SORCS3: variants seen among roughly 807,000 people sequenced by gnomAD.
The protein encoded by SORCS3 is VPS10 domain-containing receptor SorCS3.
SORCS3 carries 57 observed loss-of-function variants against 146.3 expected under a neutral mutation model. The observed-to-expected ratio is 0.39, with a 90% CI of 0.31 to 0.49. SORCS3 has a LOEUF of 0.49. Among genes scored for constraint, SORCS3 ranks in the 20% least tolerant of loss-of-function variants. SORCS3 has a pLI of 0.92. For synonymous variants in SORCS3, 653 were observed against 618.5 expected (o/e 1.06, Z -0.83); for missense variants, 1,341 against 1,575.5 (o/e 0.85, Z 2.52).
At chr10:105,041,104 A>T (rs1389850524) in intron 4 of SORCS3, among the ~76,000 whole-genome samples, 2 of 147,718 alleles carry the variant, frequency 1.4e-5, no homozygotes, top group East Asian at 2.0e-4. Context: ...TATATATATA[A>T]AATGGGTTCA....
intron 2 of SORCS3, among the ~76,000 whole-genome samples, chr10:104,904,174 G>C (rs2018879948): frequency 6.6e-6 from 1 of 152,126 alleles, no homozygotes; most frequent in African/African-American, 2.4e-5. Context: ...AAGACATTCT[G>C]GTATGGAGAT....
chr10:104,753,192 T>A (rs2017008904), intron 1 of SORCS3, among the ~76,000 whole-genome samples: 2 of 152,224 alleles, frequency 1.3e-5, no homozygotes, highest in African/African-American at 4.8e-5. Flanking sequence ...CAAATGAGAT[T>A]TACTTGGGTC....
chr10:105,156,563 T>A (rs2056211039), intron 9 of SORCS3, among the ~76,000 whole-genome samples: 1 of 152,204 alleles, frequency 6.6e-6, no homozygotes, highest in South Asian at 2.1e-4. Context: ...TAGGGCTTAT[T>A]CCACCAATTT....
rs539677045 is a variant in SORCS3, at chr10:105,011,191, G to T, written c.955-31864G>T. ...ATATTTTATCCCTTACAACTTTATT[G>T]AAAAATAATTTATGTCTAATAAACT... is the stretch of plus-strand genomic sequence containing the variant. On this transcript the variant is annotated intron_variant, in intron 4 of 26. Transcript: ENST00000369701. 4.6e-5 allele frequency among the ~76,000 whole-genome samples: 7 copies of T among 152,158 alleles called. No homozygotes were observed. The East Asian group carries it at 1.4e-3, about 29-fold the overall frequency.
chr10:105,183,676 G>T (rs2056457081), intron 14 of SORCS3, among the ~76,000 whole-genome samples: 1 of 152,196 alleles, frequency 6.6e-6, no homozygotes, highest in African/African-American at 2.4e-5. Context: ...CAGGCTGGCT[G>T]CTTGATTCAT....
At chr10:104,897,288 G>A (rs568820109) in intron 2 of SORCS3, among the ~76,000 whole-genome samples, 3 of 152,246 alleles carry the variant, frequency 2.0e-5, no homozygotes, top group South Asian at 4.2e-4. Flanking sequence ...TAATTCACAC[G>A]AAGTCATTGA....
chr10:105,178,573 A>ATTTCAAAATC (rs1273945485), intron 14 of SORCS3, among the ~76,000 whole-genome samples: 9 of 152,016 alleles, frequency 5.9e-5, no homozygotes, highest in African/African-American at 2.2e-4. Flanking sequence ...GAAATATTGT[A>ATTTCAAAATC]AGAGATGTCT....
At chr10:105,065,635 G>T (rs570223955) in intron 5 of SORCS3, among the ~76,000 whole-genome samples, 1 of 152,200 alleles carries the variant, frequency 6.6e-6, no homozygotes, top group South Asian at 2.1e-4. Context: ...TTCTTAGCCT[G>T]GGTCTAGAAC....
chr10:104,799,472 A>G (rs1332968265), intron 1 of SORCS3, among the ~76,000 whole-genome samples: 2 of 150,926 alleles, frequency 1.3e-5, no homozygotes, highest in Admixed American at 1.3e-4. Flanking sequence ...CATGTTCTCA[A>G]TCATAAGTGG....
intron 6 of SORCS3, among the ~76,000 whole-genome samples, chr10:105,098,388 C>A (rs530337923): frequency 9.2e-5 from 14 of 152,248 alleles, no homozygotes; most frequent in African/African-American, 2.9e-4. Flanking sequence ...TATTACATTC[C>A]AAAAGGTATC....
chr10:104,750,052 G>A (rs1477251299), intron 1 of SORCS3, among the ~76,000 whole-genome samples: 1 of 152,174 alleles, frequency 6.6e-6, no homozygotes, highest in African/African-American at 2.4e-5. Context: ...GAAAACATGT[G>A]CAAAGACAAG....
chr10:104,840,730 G>A (rs1244489594), intron 1 of SORCS3, among the ~76,000 whole-genome samples: 3 of 29,970 alleles, frequency 1.0e-4, no homozygotes, highest in Admixed American at 3.8e-4. Flanking sequence ...CTTACCCTCA[G>A]CATCTCTTTC....
chr10:104,727,600 T>TTA (rs775095395), intron 1 of SORCS3, among the ~76,000 whole-genome samples: 1 of 151,684 alleles, frequency 6.6e-6, no homozygotes, highest in Admixed American at 6.6e-5. Flanking sequence ...ATTCATATAC[T>TTA]TATATATATA....
In SORCS3 at chr10:104,842,829, T is replaced by C; in HGVS notation, c.665T>C (p.Leu222Pro). The C allele has an allele frequency of 6.2e-7, 1 of 1,614,008 alleles. No homozygotes were observed. Among genetic ancestry groups the C allele is most frequent in the Non-Finnish European group, 8.5e-7 (1 of 1,179,902 alleles). Residue 222 changes from leucine (L) to proline (P), a missense_variant, in exon 2 of 27, where the codon CTG (leucine) becomes CCG (proline). Transcript: ENST00000369701. ...LILTKLYDFNLGSVTESSLWR... is the reference protein window; with the variant it reads ...LILTKLYDFNPGSVTESSLWR... Reference sequence around the variant, plus strand: ...CTGACGAAGCTGTATGACTTCAACCTGGGCAGCGTGACTGAGAGTTCACTA... The same window carrying C: ...CTGACGAAGCTGTATGACTTCAACCCGGGCAGCGTGACTGAGAGTTCACTA...
At chr10:104,948,210 G>C (rs1215548297) in intron 3 of SORCS3, among the ~76,000 whole-genome samples, 1 of 152,108 alleles carries the variant, frequency 6.6e-6, no homozygotes, top group African/African-American at 2.4e-5. Flanking sequence ...TTATTTCCTA[G>C]GGAGCATTAC....
At chr10:104,898,270 G>C (rs1268657690) in intron 2 of SORCS3, among the ~76,000 whole-genome samples, 2 of 152,206 alleles carry the variant, frequency 1.3e-5, no homozygotes, top group Non-Finnish European at 2.9e-5. Context: ...TAACACAATA[G>C]TTTGTTTGTT....
intron 2 of SORCS3, among the ~76,000 whole-genome samples, chr10:104,911,170 A>G (rs1365483313): frequency 6.6e-6 from 1 of 152,220 alleles, no homozygotes; most frequent in Non-Finnish European, 1.5e-5. Flanking sequence ...CCCTCACCCC[A>G]GGCCAAGTGG....
chr10:105,006,600 T>C (rs2055097334), intron 4 of SORCS3, among the ~76,000 whole-genome samples: 1 of 152,178 alleles, frequency 6.6e-6, no homozygotes, highest in East Asian at 1.9e-4. Flanking sequence ...CATAAGATTA[T>C]ACATAATTTC....
chr10:104,705,988 C>G (rs935647205), intron 1 of SORCS3, among the ~76,000 whole-genome samples: 1 of 152,082 alleles, frequency 6.6e-6, no homozygotes, highest in Non-Finnish European at 1.5e-5. Context: ...CAAAATGAGA[C>G]TGTGAAGAGA....
Sources: gnomAD v4.1 joint callset for allele counts (sites outside exome capture counted in the v4.1 genomes callset) on GRCh38, gnomAD v4.1.1 for gene constraint, MANE v1.5 for transcripts, NCBI Gene and HGNC (gene_info 2026-07-23, HGNC 2026-07-21) for gene names.